NXPH2: variants seen among roughly 807,000 people sequenced by gnomAD.
The protein encoded by NXPH2 is neurexophilin 2, also known as neurexophilin-2.
A neutral mutation model predicts 19.8 loss-of-function variants in NXPH2; 5 were observed. The ratio of observed to expected loss-of-function variants is 0.25; its 90% CI spans 0.13 to 0.53. The LOEUF (loss-of-function observed/expected upper bound fraction) is 0.53, where lower values mean the gene tolerates loss of function less well. Ranked by LOEUF, NXPH2 falls within the 20% of genes least tolerant of loss-of-function variation. The pLI is 0.96. For synonymous variants in NXPH2, 154 were observed against 127.4 expected (o/e 1.21, Z -1.41); for missense variants, 289 against 322.8 (o/e 0.90, Z 0.80).
At chr2:138,674,141 C>T (rs932276961) in intron 1 of NXPH2, among the ~76,000 whole-genome samples, 6 of 151,792 alleles carry the variant, frequency 4.0e-5, no homozygotes, top group African/African-American at 1.5e-4. Flanking sequence ...CCATGCCTGG[C>T]TAATTTTCTT....
chr2:138,753,845 C>T (rs2104834935), intron 1 of NXPH2, among the ~76,000 whole-genome samples: 1 of 152,238 alleles, frequency 6.6e-6, no homozygotes, highest in South Asian at 2.1e-4. Context: ...CCTACAACTC[C>T]ATGGAAAATA....
At chr2:138,741,699 AC>A (rs1228265237) in intron 1 of NXPH2, among the ~76,000 whole-genome samples, 3 of 152,218 alleles carry the variant, frequency 2.0e-5, no homozygotes, top group Non-Finnish European at 4.4e-5. Flanking sequence ...AAAGCAAGGT[AC>A]TTAGTGGATT....
At chr2:138,702,481 C>T (rs1313331024) in intron 1 of NXPH2, among the ~76,000 whole-genome samples, 2 of 152,094 alleles carry the variant, frequency 1.3e-5, no homozygotes, top group African/African-American at 2.4e-5. Flanking sequence ...ACTATAAAAT[C>T]GTCCAATAGC....
intron 1 of NXPH2, among the ~76,000 whole-genome samples, chr2:138,715,326 G>A (rs1681176837): frequency 6.6e-6 from 1 of 152,184 alleles, no homozygotes; most frequent in African/African-American, 2.4e-5. Flanking sequence ...GTTATTTAGA[G>A]TAGAGTTTCT....
intron 1 of NXPH2, among the ~76,000 whole-genome samples, chr2:138,759,791 G>A (rs1336973828): frequency 6.8e-6 from 1 of 147,514 alleles, no homozygotes; most frequent in Non-Finnish European, 1.5e-5. Context: ...GTGCAGTAGC[G>A]CAATCTCGGC....
At chr2:138,707,104 A>AAAAAAAAAAG (rs1681028874) in intron 1 of NXPH2, among the ~76,000 whole-genome samples, 1 of 146,354 alleles carries the variant, frequency 6.8e-6, no homozygotes, top group Non-Finnish European at 1.5e-5. Flanking sequence ...CAAAAAAAAA[A>AAAAAAAAAAG]AAAAAAAAGA....
At chr2:138,779,857 C>T (rs1682323120) in intron 1 of NXPH2, among the ~76,000 whole-genome samples, 1 of 152,144 alleles carries the variant, frequency 6.6e-6, no homozygotes. Flanking sequence ...CCCTTCTCAT[C>T]CTATCAATTT....
chr2:138,718,247 A>G (rs1681221180), intron 1 of NXPH2, among the ~76,000 whole-genome samples: 1 of 152,148 alleles, frequency 6.6e-6, no homozygotes, highest in Non-Finnish European at 1.5e-5. Context: ...TAAATTTTAC[A>G]TACTGTTGAA....
At chr2:138,684,215 G>A (rs1680616202) in intron 1 of NXPH2, among the ~76,000 whole-genome samples, 1 of 152,048 alleles carries the variant, frequency 6.6e-6, no homozygotes, top group Admixed American at 6.6e-5. Context: ...GTATTGAGAG[G>A]CAGCAATAAA....
At chr2:138,761,499 G>A (rs891852092) in intron 1 of NXPH2, among the ~76,000 whole-genome samples, 26 of 152,186 alleles carry the variant, frequency 1.7e-4, no homozygotes, top group African/African-American at 6.0e-4. Flanking sequence ...TAATGCATCT[G>A]CTGTGCCTCC....
chr2:138,767,244 T>C (rs1682105684), intron 1 of NXPH2, among the ~76,000 whole-genome samples: 1 of 152,318 alleles, frequency 6.6e-6, no homozygotes, highest in Non-Finnish European at 1.5e-5. Context: ...GAACCCCCTA[T>C]AGAGTCACAG....
chr2:138,753,333 T>G (rs1681853207), intron 1 of NXPH2, among the ~76,000 whole-genome samples: 1 of 152,124 alleles, frequency 6.6e-6, no homozygotes, highest in Non-Finnish European at 1.5e-5. Context: ...TTGCTTGTGG[T>G]TTGTGTTGAT....
intron 1 of NXPH2, among the ~76,000 whole-genome samples, chr2:138,737,314 G>A (rs766796142): frequency 1.3e-5 from 2 of 152,184 alleles, no homozygotes; most frequent in Non-Finnish European, 2.9e-5. Flanking sequence ...GCAAGGAGGA[G>A]CAAGTCACAT....
At chr2:138,755,969 G>A (rs1286452486) in intron 1 of NXPH2, among the ~76,000 whole-genome samples, 2 of 151,850 alleles carry the variant, frequency 1.3e-5, no homozygotes, top group Admixed American at 6.6e-5. Context: ...TCAAATTCCA[G>A]TTGTTCTTTA....
chr2:138,745,108 C>T (rs1451497883), intron 1 of NXPH2, among the ~76,000 whole-genome samples: 1 of 152,190 alleles, frequency 6.6e-6, no homozygotes, highest in Non-Finnish European at 1.5e-5. Context: ...TCTCAAGCTG[C>T]CCTTCTTGTT....
intron 1 of NXPH2, among the ~76,000 whole-genome samples, chr2:138,678,237 G>C (rs368714297): frequency 3.9e-5 from 6 of 152,110 alleles, no homozygotes; most frequent in African/African-American, 1.4e-4. Flanking sequence ...TCATGATTAC[G>C]CTAGGGTTAG....
intron 1 of NXPH2, among the ~76,000 whole-genome samples, chr2:138,720,431 C>T (rs998990373): frequency 2.6e-5 from 4 of 152,230 alleles, no homozygotes; most frequent in African/African-American, 9.6e-5. Context: ...ATTTCTTCGG[C>T]TGCTCTGAAG....
intron 1 of NXPH2, among the ~76,000 whole-genome samples, chr2:138,751,976 C>T (rs773272517): frequency 6.6e-6 from 1 of 152,078 alleles, no homozygotes; most frequent in African/African-American, 2.4e-5. Flanking sequence ...GCTTAAATTA[C>T]TTTGAGTTTG....
At chr2:138,709,126 C>T (rs1681059751) in intron 1 of NXPH2, among the ~76,000 whole-genome samples, 1 of 152,040 alleles carries the variant, frequency 6.6e-6, no homozygotes, top group Non-Finnish European at 1.5e-5. Flanking sequence ...CTATTTAGGT[C>T]CCACAAGGCT....
Sources: gnomAD v4.1 joint callset for allele counts (sites outside exome capture counted in the v4.1 genomes callset) on GRCh38, gnomAD v4.1.1 for gene constraint, MANE v1.5 for transcripts, NCBI Gene and HGNC (gene_info 2026-07-23, HGNC 2026-07-21) for gene names.